RAB28: variants seen among roughly 807,000 people sequenced by gnomAD.
RAB28 encodes the protein ras-related protein Rab-28.
RAB28 carries 24 observed loss-of-function variants against 31.7 expected under a neutral mutation model. The observed-to-expected ratio is 0.76, with a 90% CI of 0.55 to 1.06. The LOEUF (loss-of-function observed/expected upper bound fraction) is 1.06. Among genes scored for constraint, RAB28 ranks in the 50% least tolerant of loss-of-function variants. The pLI is 0.00. For missense variants in RAB28, 254 were observed against 258.5 expected (o/e 0.98, Z 0.12); for synonymous variants, 100 against 90.4 (o/e 1.11, Z -0.60).
intron 4 of RAB28, among the ~76,000 whole-genome samples, chr4:13,444,172 C>T (rs1363647468): frequency 2.0e-5 from 3 of 151,908 alleles, no homozygotes; most frequent in African/African-American, 4.8e-5. Flanking sequence ...GGACTACAGG[C>T]GCCCGCCACC....
intron 4 of RAB28, among the ~76,000 whole-genome samples, chr4:13,416,371 T>C (rs1712779540): frequency 6.6e-6 from 1 of 151,758 alleles, no homozygotes; most frequent in Non-Finnish European, 1.5e-5. Context: ...TATCCAAACA[T>C]CAGAAGGAAC....
intron 4 of RAB28, among the ~76,000 whole-genome samples, chr4:13,404,289 A>T (rs937084034): frequency 6.6e-6 from 1 of 152,156 alleles, no homozygotes; most frequent in Non-Finnish European, 1.5e-5. Flanking sequence ...GAGGCAGGAG[A>T]ATCACTTGAA....
chr4:13,374,980 T>C (rs573228123), intron 6 of RAB28, among the ~76,000 whole-genome samples: 2 of 152,126 alleles, frequency 1.3e-5, no homozygotes, highest in African/African-American at 4.8e-5. Context: ...TGCTCTTCTG[T>C]TTCCAAAATA....
chr4:13,385,580 T>A (rs1011233152), intron 4 of RAB28, among the ~76,000 whole-genome samples: 6 of 152,154 alleles, frequency 3.9e-5, no homozygotes, highest in Admixed American at 3.9e-4. Context: ...GAATTTCATA[T>A]CTGGCCAAAC....
At chr4:13,402,639 T>C (rs1449997352) in intron 4 of RAB28, among the ~76,000 whole-genome samples, 1 of 152,196 alleles carries the variant, frequency 6.6e-6, no homozygotes, top group African/African-American at 2.4e-5. Flanking sequence ...TAGATTTTTA[T>C]AGACTGTATA....
intron 4 of RAB28, among the ~76,000 whole-genome samples, chr4:13,428,603 C>T (rs1290410772): frequency 6.6e-6 from 1 of 151,934 alleles, no homozygotes; most frequent in African/African-American, 2.4e-5. Context: ...GAAGATAGAT[C>T]GGTTGAGATT....
intron 4 of RAB28, among the ~76,000 whole-genome samples, chr4:13,435,752 G>T (rs1351132813): frequency 6.6e-6 from 1 of 152,062 alleles, no homozygotes; most frequent in Non-Finnish European, 1.5e-5. Flanking sequence ...AACAAATACT[G>T]CCGCGGACCA....
intron 4 of RAB28, among the ~76,000 whole-genome samples, chr4:13,426,679 T>C (rs1318588190): frequency 6.6e-6 from 1 of 152,196 alleles, no homozygotes; most frequent in Non-Finnish European, 1.5e-5. Context: ...TTTAGCATGA[T>C]TCCTAGAAAT....
intron 3 of RAB28, among the ~76,000 whole-genome samples, chr4:13,463,086 A>C (rs1241645724): frequency 6.6e-6 from 1 of 152,202 alleles, no homozygotes; most frequent in East Asian, 1.9e-4. Context: ...TAAAATTAAC[A>C]TACCACATGC....
chr4:13,392,462 T>C (rs1188788459), intron 4 of RAB28, among the ~76,000 whole-genome samples: 5 of 152,210 alleles, frequency 3.3e-5, no homozygotes, highest in Non-Finnish European at 7.3e-5. Flanking sequence ...TTTCTTGACT[T>C]TGCATTAAGG....
intron 4 of RAB28, among the ~76,000 whole-genome samples, chr4:13,415,771 G>A (rs114925300): frequency 1.0e-3 from 158 of 152,304 alleles, no homozygotes; most frequent in Non-Finnish European, 1.6e-3. Flanking sequence ...GCGTGCGGGC[G>A]CACGGCATGG....
At chr4:13,468,107 A>G (rs912540969) in intron 3 of RAB28, among the ~76,000 whole-genome samples, 2 of 152,004 alleles carry the variant, frequency 1.3e-5, no homozygotes, top group Non-Finnish European at 2.9e-5. Flanking sequence ...GCATCAAAAT[A>G]TATGAGGCCA....
intron 4 of RAB28, among the ~76,000 whole-genome samples, chr4:13,437,162 G>A (rs1306166265): frequency 6.6e-6 from 1 of 152,054 alleles, no homozygotes; most frequent in African/African-American, 2.4e-5. Flanking sequence ...GCCATATACA[G>A]AAGAATGAAA....
intron 4 of RAB28, among the ~76,000 whole-genome samples, chr4:13,436,111 G>C (rs1210092911): frequency 1.3e-5 from 2 of 152,114 alleles, no homozygotes; most frequent in Non-Finnish European, 2.9e-5. Flanking sequence ...AAAACCATAT[G>C]ATCATCTCAA....
At chr4:13,483,131 T>G (rs1159449443) in intron 1 of RAB28, among the ~76,000 whole-genome samples, 2 of 152,170 alleles carry the variant, frequency 1.3e-5, no homozygotes, top group African/African-American at 4.8e-5. Context: ...CTTCACTATT[T>G]GCTGGTGGAG....
chr4:13,415,957 T>C (rs950808858), intron 4 of RAB28, among the ~76,000 whole-genome samples: 3 of 152,178 alleles, frequency 2.0e-5, no homozygotes, highest in Admixed American at 1.3e-4. Context: ...CAGCACCTTG[T>C]GTCTGGCTCA....
chr4:13,375,504 T>C (rs1209089235), intron 6 of RAB28, among the ~76,000 whole-genome samples: 1 of 152,122 alleles, frequency 6.6e-6, no homozygotes, highest in African/African-American at 2.4e-5. Context: ...CCAAGGTCTG[T>C]GTGATCAAGC....
Position 13,444,714 on chromosome 4 carries a change from T to C in RAB28, c.391+15985A>G, listed in dbSNP as rs143964969. 1.1e-3 allele frequency among the ~76,000 whole-genome samples: 169 copies of C among 152,374 alleles called. 2 individuals are homozygous for C. The highest frequency in any genetic ancestry group is 3.4e-3 in the Middle Eastern group (1 of 294). ...CATCTAAGAAGTGTGTGGTGATATT[T>C]AATTGTGGTTTTAATAAGACATGGG... On this transcript the variant is annotated intron_variant, in intron 4 of 6. Coordinates refer to ENST00000330852, the MANE Select transcript of RAB28 (RefSeq NM_001017979.3).
intron 4 of RAB28, among the ~76,000 whole-genome samples, chr4:13,432,376 T>C (rs988968595): frequency 3.9e-5 from 6 of 152,160 alleles, no homozygotes; most frequent in Non-Finnish European, 8.8e-5. Context: ...TTAAGGAAAT[T>C]ATTCAGGAAA....
Sources: allele counts gnomAD v4.1 joint callset (sites outside exome capture counted in the v4.1 genomes callset), GRCh38; gene constraint gnomAD v4.1.1; transcripts MANE v1.5; gene names NCBI Gene and HGNC (gene_info 2026-07-23, HGNC 2026-07-21).